MINDY4: variants seen among roughly 807,000 people sequenced by gnomAD.
The protein encoded by MINDY4 is probable ubiquitin carboxyl-terminal hydrolase MINDY-4.
A neutral mutation model predicts 87.0 loss-of-function variants in MINDY4; 68 were observed. The observed-to-expected ratio is 0.78, with a 90% CI of 0.64 to 0.96. MINDY4 has a LOEUF of 0.96. Among genes scored for constraint, MINDY4 ranks in the 40% least tolerant of loss-of-function variants. The probability of loss-of-function intolerance (pLI) is 0.00; values close to 1 mark genes in which losing one functional copy is unlikely to be tolerated. For missense variants in MINDY4, 919 were observed against 928.2 expected, an observed-to-expected ratio of 0.99 and a Z score of 0.13; for synonymous variants, 379 against 363.2, an observed-to-expected ratio of 1.04 and a Z score of -0.50.
At chr7:30,792,651 A>G (rs1787360351) in intron 5 of MINDY4, among the ~76,000 whole-genome samples, 1 of 152,184 alleles carries the variant, frequency 6.6e-6, no homozygotes, top group South Asian at 2.1e-4. Context: ...ATAAAATTGT[A>G]TAATTATATT....
chr7:30,875,745 A>C, intron 15 of MINDY4, 89 bp downstream of exon 15: 2 of 1,424,758 alleles, frequency 1.4e-6, no homozygotes, highest in Non-Finnish European at 1.9e-6. Flanking sequence ...GCTGGACTCC[A>C]CTTCTCAGAG....
intron 5 of MINDY4, among the ~76,000 whole-genome samples, chr7:30,816,666 T>C (rs1001594028): frequency 6.1e-5 from 9 of 148,574 alleles, no homozygotes; most frequent in Non-Finnish European, 7.5e-5. Flanking sequence ...TTGTCCACCT[T>C]TGTCATCATG....
rs951549146 is a variant in MINDY4, at chr7:30,817,894, C to T, written c.1074-10785C>T. Among the ~76,000 whole-genome samples, 19 of 152,150 alleles carry T rather than the reference C, an allele frequency of 1.2e-4. No homozygotes were observed. The East Asian group carries it at 1.3e-3, about 11-fold the overall frequency. On this transcript the variant is annotated intron_variant, in intron 5 of 17. Coordinates refer to ENST00000265299, the MANE Select transcript of MINDY4 (RefSeq NM_032222.3). ...TCACGTGGGAGAGTGGTAGGAGTGC[C>T]GAATTTGTATTCAGGAAACCTGGAC...
chr7:30,846,405 C>T (rs1468028101), intron 9 of MINDY4, among the ~76,000 whole-genome samples: 1 of 152,232 alleles, frequency 6.6e-6, no homozygotes, highest in Non-Finnish European at 1.5e-5. Flanking sequence ...TTTATTTTCC[C>T]TATCTCTAGA....
chr7:30,849,817 CTT>C (rs747313673), intron 9 of MINDY4, among the ~76,000 whole-genome samples: 8 of 152,336 alleles, frequency 5.3e-5, no homozygotes, highest in Admixed American at 5.2e-4. Context: ...AAGTGTGACT[CTT>C]TATCTTCTAT....
intron 2 of MINDY4, 152 bp from the exon 3 acceptor site, chr7:30,781,825 A>G: frequency 1.1e-5 from 7 of 622,822 alleles, no homozygotes; most frequent in South Asian, 2.0e-5. Context: ...TACCTGACAT[A>G]TATAATATGT....
At chr7:30,884,870 G>A (rs1790582556) in intron 17 of MINDY4, among the ~76,000 whole-genome samples, 1 of 152,204 alleles carries the variant, frequency 6.6e-6, no homozygotes, top group South Asian at 2.1e-4. Context: ...GAGTCTTAGT[G>A]TGTGGACACG....
At chr7:30,857,151 G>A (rs961176883) in intron 12 of MINDY4, among the ~76,000 whole-genome samples, 2 of 152,150 alleles carry the variant, frequency 1.3e-5, no homozygotes, top group Non-Finnish European at 2.9e-5. Context: ...GCTCTGCTGT[G>A]CCCCCGCATA....
chr7:30,870,332 C>T (rs1448582863), intron 13 of MINDY4, among the ~76,000 whole-genome samples: 4 of 152,226 alleles, frequency 2.6e-5, no homozygotes, highest in Admixed American at 6.5e-5. Flanking sequence ...AGGTTATTTT[C>T]TTCTCTTCAG....
intron 6 of MINDY4, among the ~76,000 whole-genome samples, chr7:30,833,482 C>T (rs1788767813): frequency 6.6e-6 from 1 of 152,190 alleles, no homozygotes; most frequent in Non-Finnish European, 1.5e-5. Flanking sequence ...GTGTCCTTCC[C>T]ACAACATGTG....
chr7:30,809,376 GAAA>G (rs57725704), intron 5 of MINDY4, among the ~76,000 whole-genome samples: 6 of 86,746 alleles, frequency 6.9e-5, no homozygotes, highest in African/African-American at 2.2e-4. Flanking sequence ...GTATCCTAAG[GAAA>G]AAAAAAAAAA....
At position 30,853,466 on chromosome 7, in the gene MINDY4, A is replaced by C; in HGVS notation, c.1677+7A>C. The C allele has an allele frequency of 6.2e-7, 1 of 1,604,734 alleles. No individual in the cohort carries two copies. The highest frequency in any genetic ancestry group is 8.5e-7 in the Non-Finnish European group (1 of 1,172,944). Reference sequence around the variant, plus strand: ...TCAACAAAGCATTCATCAGGTATGAAGCATGCCTTACTCCTGTGGGATGTG... The same window carrying C: ...TCAACAAAGCATTCATCAGGTATGACGCATGCCTTACTCCTGTGGGATGTG... On this transcript the variant is annotated splice_region_variant and intron_variant, in intron 12 of 17. Coordinates refer to ENST00000265299, the MANE Select transcript of MINDY4 (RefSeq NM_032222.3).
chr7:30,793,944 A>G (rs1787400123), intron 5 of MINDY4, among the ~76,000 whole-genome samples: 1 of 152,178 alleles, frequency 6.6e-6, no homozygotes, highest in South Asian at 2.1e-4. Flanking sequence ...CCCAGCAATT[A>G]TTATCCCCAT....
chr7:30,854,838 G>A (rs1373182863), intron 12 of MINDY4, among the ~76,000 whole-genome samples: 1 of 152,250 alleles, frequency 6.6e-6, no homozygotes, highest in African/African-American at 2.4e-5. Context: ...AAGGAGGCAG[G>A]TGAGGTCACC....
chr7:30,804,223 ATG>A (rs1344806501), intron 5 of MINDY4, among the ~76,000 whole-genome samples: 1 of 152,176 alleles, frequency 6.6e-6, no homozygotes, highest in Non-Finnish European at 1.5e-5. Context: ...GCTAGATTCC[ATG>A]TGTGTGCCTC....
chr7:30,860,059 A>G (rs1256423335), intron 13 of MINDY4, among the ~76,000 whole-genome samples: 2 of 152,188 alleles, frequency 1.3e-5, no homozygotes, highest in East Asian at 3.9e-4. Flanking sequence ...TGCCCCATTC[A>G]CTTTCAAGCA....
intron 5 of MINDY4, among the ~76,000 whole-genome samples, chr7:30,798,906 T>G (rs1215883973): frequency 6.6e-6 from 1 of 152,212 alleles, no homozygotes; most frequent in Non-Finnish European, 1.5e-5. Context: ...AGCAGTGAGC[T>G]GTCCTGTTAC....
chr7:30,802,331 G>A (rs565945200), intron 5 of MINDY4, among the ~76,000 whole-genome samples: 97 of 151,992 alleles, frequency 6.4e-4, no homozygotes, highest in African/African-American at 2.1e-3. Context: ...TAACCTGAGA[G>A]GGAAGGTCTC....
chr7:30,788,504 C>A (rs534237174), intron 4 of MINDY4, among the ~76,000 whole-genome samples: 2 of 152,250 alleles, frequency 1.3e-5, no homozygotes, highest in African/African-American at 4.8e-5. Context: ...ATTGATGTCA[C>A]CCCCAGCTCA....
Sources: gnomAD v4.1 joint callset for allele counts (sites outside exome capture counted in the v4.1 genomes callset) on GRCh38, gnomAD v4.1.1 for gene constraint, MANE v1.5 for transcripts, NCBI Gene and HGNC (gene_info 2026-07-23, HGNC 2026-07-21) for gene names.